The following IMMP1L variants were observed in gnomAD, a reference collection of about 807,000 sequenced individuals.
IMMP1L encodes mitochondrial inner membrane protease subunit 1.
Under a neutral mutation model 21.8 loss-of-function variants are expected in IMMP1L, and 24 were observed. The ratio of observed to expected loss-of-function variants is 1.10; its 90% CI spans 0.80 to 1.55. The LOEUF (loss-of-function observed/expected upper bound fraction) is 1.55. Ranked by LOEUF, IMMP1L falls within the 40% of genes most tolerant of loss-of-function variation. The pLI, the probability that IMMP1L is intolerant of heterozygous loss-of-function variation, is 0.00. For missense variants in IMMP1L, 195 were observed against 200.7 expected (o/e 0.97, Z 0.17); for synonymous variants, 46 against 62.8 (o/e 0.73, Z 1.26).
chr11:31,460,415 T>C (rs929884707), intron 3 of IMMP1L, among the ~76,000 whole-genome samples: 3 of 152,182 alleles, frequency 2.0e-5, no homozygotes, highest in African/African-American at 7.2e-5. Flanking sequence ...ATGCAAGAGA[T>C]ACAATGACCC....
At chr11:31,436,112 CTA>C (rs1284859111) in intron 4 of IMMP1L, among the ~76,000 whole-genome samples, 3 of 151,050 alleles carry the variant, frequency 2.0e-5, no homozygotes, top group African/African-American at 7.4e-5. Flanking sequence ...ATTTTCCTAT[CTA>C]TGTGTATTTC....
intron 4 of IMMP1L, among the ~76,000 whole-genome samples, chr11:31,433,922 G>A (rs560560611): frequency 1.3e-4 from 20 of 152,158 alleles, no homozygotes; most frequent in African/African-American, 3.6e-4. Flanking sequence ...CTGAAAATGC[G>A]CCCTTGTGTC....
rs550874017 is a variant in IMMP1L at position 31,475,943 on chromosome 11, A to T, written c.-29-12638T>A. Among the ~76,000 whole-genome samples, 3 of 152,312 alleles carry T rather than the reference A, an allele frequency of 2.0e-5. No individual in the cohort carries two copies. In the South Asian group the frequency reaches 6.2e-4, roughly 32 times the overall value. ...ACCTGAATAAAAAGTAAAAAAGTAA[A>T]TACTGACCAGGTTTAGTAAAACCTT... On this transcript the variant is annotated intron_variant, in intron 1 of 5. Transcript: ENST00000532287.
intron 4 of IMMP1L, among the ~76,000 whole-genome samples, chr11:31,446,472 G>A (rs1813414595): frequency 6.6e-6 from 1 of 152,142 alleles, no homozygotes; most frequent in South Asian, 2.1e-4. Context: ...TATTTTTAGG[G>A]ATGGGGTCTT....
chr11:31,439,802 C>G (rs759454496), intron 4 of IMMP1L, among the ~76,000 whole-genome samples: 2 of 152,166 alleles, frequency 1.3e-5, no homozygotes, highest in Non-Finnish European at 2.9e-5. Flanking sequence ...AGTCCTACCA[C>G]TAAGATTTGA....
chr11:31,473,261 G>C (rs1242290279), intron 1 of IMMP1L, among the ~76,000 whole-genome samples: 1 of 152,146 alleles, frequency 6.6e-6, no homozygotes, highest in Non-Finnish European at 1.5e-5. Flanking sequence ...ATGTTAGCCA[G>C]GATGGTCTTC....
intron 1 of IMMP1L, among the ~76,000 whole-genome samples, chr11:31,473,135 C>T (rs1229393410): frequency 1.3e-5 from 2 of 152,160 alleles, no homozygotes; most frequent in African/African-American, 2.4e-5. Flanking sequence ...CCGCAAGCTC[C>T]GCCTCCCGGG....
At chr11:31,461,393 C>T (rs1954133831) in intron 2 of IMMP1L, among the ~76,000 whole-genome samples, 1 of 152,104 alleles carries the variant, frequency 6.6e-6, no homozygotes. Context: ...AACCTGGCAA[C>T]CTAAATAGAA....
chr11:31,453,362 C>CT (rs1191266919), intron 4 of IMMP1L, among the ~76,000 whole-genome samples: 1 of 152,086 alleles, frequency 6.6e-6, no homozygotes, highest in African/African-American at 2.4e-5. Flanking sequence ...CAAGAATAAA[C>CT]TTTTTTTGCC....
At chr11:31,508,901 G>A (rs931557479) in intron 1 of IMMP1L, among the ~76,000 whole-genome samples, 1 of 152,118 alleles carries the variant, frequency 6.6e-6, no homozygotes, top group East Asian at 1.9e-4. Flanking sequence ...TCGATTCAGG[G>A]TTCATAAAAT....
At chr11:31,504,778 G>C (rs1028039813) in intron 1 of IMMP1L, among the ~76,000 whole-genome samples, 1 of 152,138 alleles carries the variant, frequency 6.6e-6, no homozygotes, top group African/African-American at 2.4e-5. Context: ...AGCAAAAGAA[G>C]TCAAACATGG....
chr11:31,463,317 T>C lies in IMMP1L; in HGVS notation c.-29-12A>G, dbSNP rs775037875. The C allele has an allele frequency of 4.3e-5, 68 of 1,563,232 alleles. 1 individual carries two copies. In the Middle Eastern group the frequency reaches 6.9e-4, roughly 16 times the overall value. On this transcript the variant is annotated splice_polypyrimidine_tract_variant and intron_variant, in intron 1 of 5. Coordinates refer to ENST00000532287, the MANE Select transcript of IMMP1L (RefSeq NM_001304274.2). Reference sequence around the variant, plus strand: ...CTGCCACCATTGGCCTGATGGTAAATTTCAAAAAGTTTCATGATCAATACT... The same window carrying C: ...CTGCCACCATTGGCCTGATGGTAAACTTCAAAAAGTTTCATGATCAATACT...
chr11:31,486,468 T>C (rs1309371680), intron 1 of IMMP1L, among the ~76,000 whole-genome samples: 1 of 151,998 alleles, frequency 6.6e-6, no homozygotes. Flanking sequence ...ATATGTACTC[T>C]ATATTTAAAC....
At chr11:31,499,969 A>C (rs946944129) in intron 1 of IMMP1L, among the ~76,000 whole-genome samples, 11 of 151,304 alleles carry the variant, frequency 7.3e-5, no homozygotes, top group Non-Finnish European at 1.3e-4. Flanking sequence ...TAAATAAATA[A>C]ATAAATAAAT....
In IMMP1L at chr11:31,433,491, T is replaced by C. The variant is rs1952993899; in HGVS notation, c.401A>G (p.Tyr134Cys). The C allele has an allele frequency of 1.9e-6, 3 of 1,606,948 alleles. No homozygotes were observed. Among genetic ancestry groups the C allele is most frequent in the Non-Finnish European group, 2.6e-6 (3 of 1,175,364 alleles). The change falls in exon 5 of 6, where the codon TAT (tyrosine) becomes TGT (cysteine). Residue 134 changes from tyrosine to cysteine, a missense_variant. Coordinates refer to ENST00000532287, the MANE Select transcript of IMMP1L (RefSeq NM_001304274.2). ...GAAGATTCGTCCTCTTATTAGTCCA[T>C]ATGGAATAGGTCCATAGCACCTGGA... ...TDSRCYGPIP[Y>C]GLIRGRIFFK...
At position 31,509,466 on chromosome 11, in the gene IMMP1L, C is replaced by T; in HGVS notation, c.-30+53G>A. ...TGTTTCACCAACCTTTTCTTTAACT[C>T]AATGTGAATGAAGGCACTCAAAAGG... On this transcript the variant is annotated intron_variant, in intron 1 of 5. Coordinates refer to ENST00000532287, the MANE Select transcript of IMMP1L (RefSeq NM_001304274.2). 2 of 393,784 alleles carry T rather than the reference C, an allele frequency of 5.1e-6. 1 individual carries two copies. The highest frequency in any genetic ancestry group is 6.4e-5 in the South Asian group (2 of 31,350). 24.4% of individuals were successfully genotyped at this position (393,784 alleles called of 1,614,324 possible).
At chr11:31,453,232 G>C (rs775059199) in intron 4 of IMMP1L, 162 of 558,722 alleles carry the variant, frequency 2.9e-4, no homozygotes, top group South Asian at 4.6e-4. Context: ...CTTAACCAAT[G>C]ATTTGTTTAT....
intron 1 of IMMP1L, among the ~76,000 whole-genome samples, chr11:31,465,701 T>C (rs201878390): frequency 6.6e-6 from 1 of 151,936 alleles, no homozygotes; most frequent in Non-Finnish European, 1.5e-5. Flanking sequence ...AGAAAGGACA[T>C]CTCTTCAATA....
At chr11:31,444,375 C>T (rs1284184078) in intron 4 of IMMP1L, among the ~76,000 whole-genome samples, 1 of 152,014 alleles carries the variant, frequency 6.6e-6, no homozygotes, top group Non-Finnish European at 1.5e-5. Flanking sequence ...CTGTGCTTTG[C>T]TATTTTACTT....
Sources: gnomAD v4.1 joint callset for allele counts (sites outside exome capture counted in the v4.1 genomes callset) on GRCh38, gnomAD v4.1.1 for gene constraint, MANE v1.5 for transcripts, NCBI Gene and HGNC (gene_info 2026-07-23, HGNC 2026-07-21) for gene names.